TMBIM6: variants seen among roughly 807,000 people sequenced by gnomAD.
The protein encoded by TMBIM6 is transmembrane BAX inhibitor motif containing 6.
Under a neutral mutation model 31.4 loss-of-function variants are expected in TMBIM6, and 13 were observed. That is an observed-to-expected ratio of 0.41 (90% CI 0.27 to 0.66). TMBIM6 has a LOEUF of 0.66. TMBIM6 is among the 30% of genes least tolerant of loss of function. The pLI, the probability that TMBIM6 is intolerant of heterozygous loss-of-function variation, is 0.28. For missense variants in TMBIM6, 275 were observed against 289.5 expected (o/e 0.95, Z 0.36); for synonymous variants, 85 against 101.7 (o/e 0.84, Z 0.99).
At chr12:49,745,697 CCTGGGCA>C (rs1945378013) in intron 1 of TMBIM6, among the ~76,000 whole-genome samples, 1 of 143,626 alleles carries the variant, frequency 7.0e-6, no homozygotes, top group Non-Finnish European at 1.5e-5. Context: ...TGCACTCCAG[CCTGGGCA>C]ACAGAGCGAG....
intron 7 of TMBIM6, 39 bp downstream of exon 7, chr12:49,758,801 T>C: frequency 7.1e-7 from 1 of 1,410,474 alleles, no homozygotes. Context: ...GCCATTTGCC[T>C]CACACTTCTT....
At chr12:49,759,626 G>T (rs185564471) in intron 8 of TMBIM6, among the ~76,000 whole-genome samples, 9 of 151,970 alleles carry the variant, frequency 5.9e-5, no homozygotes, top group Non-Finnish European at 1.2e-4. Flanking sequence ...GCAACATGGC[G>T]AAATCCCATC....
intron 3 of TMBIM6, 40 bp downstream of exon 3, chr12:49,753,121 T>A: frequency 1.3e-6 from 2 of 1,572,382 alleles, no homozygotes; most frequent in Admixed American, 1.7e-5. Context: ...TGGTACAAAT[T>A]ACATTAGGAA....
intron 1 of TMBIM6, among the ~76,000 whole-genome samples, chr12:49,751,673 C>T (rs1225551972): frequency 5.3e-5 from 8 of 151,794 alleles, no homozygotes; most frequent in African/African-American, 1.9e-4. Flanking sequence ...GTCTTAATGC[C>T]AGACCCAGCT....
At chr12:49,747,109 AT>A (rs1362323200) in intron 1 of TMBIM6, among the ~76,000 whole-genome samples, 1 of 151,274 alleles carries the variant, frequency 6.6e-6, no homozygotes, top group Non-Finnish European at 1.5e-5. Context: ...AAGTGCTGGG[AT>A]TACAGGCATG....
At position 49,759,319 on chromosome 12, in the gene TMBIM6, C is replaced by T. The variant is rs753468950; in HGVS notation, c.612C>T (p.Ile204=). The T allele has an allele frequency of 6.2e-7, 1 of 1,612,496 alleles. No homozygotes were observed. The highest frequency in any genetic ancestry group is 1.1e-5 in the South Asian group (1 of 91,056). ...EKAEHGDQDY[I]WHCIDLFLDF... Reference sequence around the variant, plus strand: ...CCGAACATGGAGATCAAGATTATATCTGGTGAGTGTGGGAACTAGTCTTTA... The same window carrying T: ...CCGAACATGGAGATCAAGATTATATTTGGTGAGTGTGGGAACTAGTCTTTA... The change falls in exon 8 of 10, where the codon ATC becomes ATT. Residue 204 remains isoleucine, a splice_region_variant and synonymous_variant. Transcript: ENST00000267115.
chr12:49,750,817 T>A (rs1327725079), intron 1 of TMBIM6: 3 of 152,252 alleles, frequency 2.0e-5, no homozygotes, highest in Non-Finnish European at 2.9e-5. Flanking sequence ...GATGTTTATA[T>A]CTTTCCACTG....
intron 9 of TMBIM6, 82 bp downstream of exon 9, chr12:49,761,861 G>A: frequency 7.3e-7 from 1 of 1,371,568 alleles, no homozygotes; most frequent in East Asian, 2.3e-5. Context: ...TTGAAAACTT[G>A]CTCACACACT....
At chr12:49,762,265 G>T (rs1468739141) in intron 9 of TMBIM6, 3 of 161,586 alleles carry the variant, frequency 1.9e-5, no homozygotes, top group Non-Finnish European at 4.1e-5. Context: ...ATAGCATAGT[G>T]GTAGCGGGAG....
chr12:49,759,081 G>T, intron 7 of TMBIM6, 140 bp from the exon 8 acceptor site: 3 of 719,618 alleles, frequency 4.2e-6, no homozygotes, highest in Non-Finnish European at 7.1e-6. Flanking sequence ...TTCACCCTAG[G>T]CTGCAGTTCT....
At chr12:49,742,646 G>T (rs1945318550) in intron 1 of TMBIM6, 4 of 170,532 alleles carry the variant, frequency 2.3e-5, no homozygotes, top group Non-Finnish European at 5.0e-5. Context: ...GTTACTTATT[G>T]ATATTTATTT....
intron 6 of TMBIM6, 57 bp from the exon 7 acceptor site, chr12:49,758,626 G>A: frequency 6.3e-7 from 1 of 1,589,620 alleles, no homozygotes; most frequent in African/African-American, 1.3e-5. Context: ...GGCTTTAATG[G>A]GATTGCTTTA....
At chr12:49,753,924 CTT>C (rs201872079) in intron 3 of TMBIM6, among the ~76,000 whole-genome samples, 9 of 138,282 alleles carry the variant, frequency 6.5e-5, no homozygotes, top group Non-Finnish European at 4.7e-5. Context: ...ACTCATGGCA[CTT>C]TTTTTTTTTT....
At chr12:49,748,504 G>A (rs924247305) in intron 1 of TMBIM6, among the ~76,000 whole-genome samples, 1 of 152,206 alleles carries the variant, frequency 6.6e-6, no homozygotes, top group African/African-American at 2.4e-5. Context: ...TCTGGCAGAG[G>A]AGGCTGGTCA....
At position 49,762,174 on chromosome 12, in the gene TMBIM6, G is replaced by C. The variant is rs1471509572; in HGVS notation, c.690+395G>C. 3.3e-5 allele frequency: 6 copies of C among 184,550 alleles called. No homozygotes were observed. In the South Asian group the frequency reaches 6.6e-4, roughly 20 times the overall value. The allele number at this position is 184,550 out of a possible 1,614,324, so 11.4% of individuals were successfully genotyped here. A position where few individuals can be genotyped will look rare whatever the true frequency, so the allele number is the denominator to read the frequency against. ...AGGAAGCATTCTATATAGGGCTAAT[G>C]AGTATCTAACGTAGTTGAGTCAAGC... On this transcript the variant is annotated intron_variant, in intron 9 of 9. Transcript: ENST00000267115.
chr12:49,747,912 A>T (rs1248715557), intron 1 of TMBIM6, among the ~76,000 whole-genome samples: 1 of 151,812 alleles, frequency 6.6e-6, no homozygotes, highest in Non-Finnish European at 1.5e-5. Flanking sequence ...TTTAATTTTT[A>T]AATTTTTTTT....
At chr12:49,752,440 C>G (rs750141739) in intron 1 of TMBIM6, 24 bp from the exon 2 acceptor site, 8 of 1,539,706 alleles carry the variant, frequency 5.2e-6, no homozygotes, top group Non-Finnish European at 7.1e-6. Context: ...GACTTAATGA[C>G]TCTAACCTTT....
chr12:49,764,723 G>GAAAAAAAAAAAA lies in TMBIM6; in HGVS notation c.*1830_*1831insAAAAAAAAAAAA, dbSNP rs796338406. 9 of 108,200 alleles carry GAAAAAAAAAAAA rather than the reference G, an allele frequency of 8.3e-5. No homozygotes were observed. The highest frequency in any genetic ancestry group is 3.5e-4 in the African/African-American group (8 of 22,962). 6.7% of individuals were successfully genotyped at this position (108,200 alleles called of 1,614,324 possible). A position where few individuals can be genotyped will look rare whatever the true frequency, so the allele number is the denominator to read the frequency against. On this transcript the variant is annotated 3_prime_UTR_variant, in exon 10 of 10. Transcript: ENST00000267115. ...ATGACAAGATATTAAAAAAAAAAAA[G>GAAAAAAAAAAAA]AAAGAAAAAAAAAAAAACACCTACT...
At chr12:49,743,008 G>T in intron 1 of TMBIM6, among the ~76,000 whole-genome samples, 1 of 128,178 alleles carries the variant, frequency 7.8e-6, no homozygotes. Context: ...TTTTTTTGAG[G>T]CAGAGTCTCA....
Sources: gnomAD v4.1 joint callset for allele counts (sites outside exome capture counted in the v4.1 genomes callset) on GRCh38, gnomAD v4.1.1 for gene constraint, MANE v1.5 for transcripts, NCBI Gene and HGNC (gene_info 2026-07-23, HGNC 2026-07-21) for gene names.